Variants in ZNF696 observed in about 807,000 individuals in gnomAD.
ZNF696 encodes zinc finger protein 696.
ZNF696 carries 10 observed loss-of-function variants against 12.3 expected under a neutral mutation model. The observed-to-expected ratio is 0.81, with a 90% CI of 0.50 to 1.38. The LOEUF (loss-of-function observed/expected upper bound fraction) is 1.38, where lower values mean the gene tolerates loss of function less well. Among genes scored for constraint, ZNF696 ranks in the 40% most tolerant of loss-of-function variants. ZNF696 has a pLI of 0.00. For missense variants in ZNF696, 675 were observed against 554.7 expected (o/e 1.22, Z -2.18); for synonymous variants, 304 against 243.9 (o/e 1.25, Z -2.29).
intron 2 of ZNF696, chr8:143,295,467 ACAG>A (rs2129736561): frequency 1.5e-6 from 1 of 672,970 alleles, no homozygotes; most frequent in Non-Finnish European, 2.7e-6. Context: ...GTGCGGAGAT[ACAG>A]GTGTGAGTCA....
chr8:143,296,577 C>A lies in ZNF696; in HGVS notation c.902C>A (p.Ala301Asp). ...RPFACQDCGR[A>D]FSRSSFLREH... ...TTCGCCTGCCAGGACTGCGGCCGCG[C>A]CTTCAGCCGCAGCTCCTTCCTCCGC... The change falls in exon 3 of 3, where the codon GCC becomes GAC. Residue 301 changes from alanine to aspartate, a missense_variant. Physicochemically the swap from Ala to Asp is moderately radical, Grantham distance 126. Transcript: ENST00000330143. 6.3e-7 allele frequency: 1 copy of A among 1,593,664 alleles called. No homozygotes were observed. Among genetic ancestry groups the A allele is most frequent in the Non-Finnish European group, 8.5e-7 (1 of 1,174,930 alleles).
Position 143,297,014 on chromosome 8 carries a change from G to A in ZNF696, c.*214G>A, listed in dbSNP as rs924628782. 2.1e-6 allele frequency: 1 copy of A among 481,768 alleles called. No homozygotes were observed. The highest frequency in any genetic ancestry group is 3.4e-6 in the Non-Finnish European group (1 of 291,060). 29.8% of individuals were successfully genotyped at this position (481,768 alleles called of 1,614,324 possible). On this transcript the variant is annotated 3_prime_UTR_variant, in exon 3 of 3. Transcript: ENST00000330143. Reference sequence around the variant, plus strand: ...GGGAAGGCGAGCGCTGCCCGCGGGAGGCGATTCCCAGAGGCGGGGAGGTCT... The same window carrying A: ...GGGAAGGCGAGCGCTGCCCGCGGGAAGCGATTCCCAGAGGCGGGGAGGTCT...
intron 2 of ZNF696, chr8:143,293,362 G>A: frequency 1.9e-6 from 1 of 532,330 alleles, no homozygotes. Flanking sequence ...TTTTGGAATG[G>A]ACGAGTCTTT....
rs555598318 is a variant in ZNF696, at chr8:143,298,590, A to G, written c.*1790A>G. On this transcript the variant is annotated 3_prime_UTR_variant, in exon 3 of 3. Coordinates refer to ENST00000330143, the MANE Select transcript of ZNF696 (RefSeq NM_030895.3). The stretch of plus-strand genomic sequence containing the variant: ...GTCAGCTGACTGAGGGCCAACAGAA[A>G]CAGCAGGCAGCCGCTGTCAGCCACA... Among the ~76,000 whole-genome samples, 3 of 152,176 alleles carry G rather than the reference A, an allele frequency of 2.0e-5. No homozygotes were observed. Among genetic ancestry groups the G allele is most frequent in the Non-Finnish European group, 2.9e-5 (2 of 68,028 alleles).
intron 1 of ZNF696, 79 bp downstream of exon 1, chr8:143,291,846 C>A: frequency 1.0e-6 from 1 of 957,438 alleles, no homozygotes. Flanking sequence ...GGCGGGGTCT[C>A]GCTATGTTTC....
chr8:143,295,620 G>A, intron 2 of ZNF696, 120 bp from the exon 3 acceptor site: 3 of 1,138,948 alleles, frequency 2.6e-6, no homozygotes, highest in Non-Finnish European at 3.7e-6. Flanking sequence ...AAAATCAAAG[G>A]TGTCTGTGGC....
In ZNF696 at chr8:143,296,773, G is replaced by A. The variant is rs1483068900; in HGVS notation, c.1098G>A (p.Gln366=). ...RAFRLSFHLI[Q]HRRVHGAE ...TCCGCCTGAGCTTCCACCTCATCCA[G>A]CACCGGCGGGTGCATGGCGCCGAGT... Residue 366 remains glutamine, a synonymous_variant, in exon 3 of 3, where the codon CAG becomes CAA. Coordinates refer to ENST00000330143, the MANE Select transcript of ZNF696 (RefSeq NM_030895.3). The A allele has an allele frequency of 7.0e-7, 1 of 1,437,458 alleles. No homozygotes were observed. The allele number at this position is 1,437,458 out of a possible 1,614,324, so 89.0% of individuals were successfully genotyped here.
At position 143,295,950 on chromosome 8, in the gene ZNF696, C is replaced by G; in HGVS notation, c.275C>G (p.Thr92Ser). The change falls in exon 3 of 3, where the codon ACT (threonine) becomes AGT (serine). Residue 92 changes from threonine (T) to serine (S), a missense_variant. Coordinates refer to ENST00000330143, the MANE Select transcript of ZNF696 (RefSeq NM_030895.3). ...GGAGGTTCCCCTCGAGGCCCGGTCA[C>G]TTCTGAGAAAACTGGAGGACAGAGT... is the stretch of plus-strand genomic sequence containing the variant. ...RPGGSPRGPV[T>S]SEKTGGQSGL... 6.4e-7 allele frequency: 1 copy of G among 1,570,764 alleles called. No homozygotes were observed. Among genetic ancestry groups the G allele is most frequent in the Non-Finnish European group, 8.6e-7 (1 of 1,157,848 alleles).
At position 143,296,822 on chromosome 8, in the gene ZNF696, A is replaced by G. The variant is rs1422164822; in HGVS notation, c.*22A>G. 47 of 1,377,508 alleles carry G rather than the reference A, an allele frequency of 3.4e-5. No homozygotes were observed. Among genetic ancestry groups the G allele is most frequent in the Non-Finnish European group, 4.2e-5 (45 of 1,072,694 alleles). 85.3% of individuals were successfully genotyped at this position (1,377,508 alleles called of 1,614,324 possible). On this transcript the variant is annotated 3_prime_UTR_variant, in exon 3 of 3. Transcript: ENST00000330143. ...GTGAGCCGGGGCTGCGGCGGAAGAG[A>G]TGCCGGCGGCCTGGTGGGCGCGAGG...
chr8:143,291,872 A>C (rs1815631305), intron 1 of ZNF696, 105 bp downstream of exon 1: 4 of 819,086 alleles, frequency 4.9e-6, no homozygotes, highest in African/African-American at 1.9e-5. Flanking sequence ...CTGGCCTCCT[A>C]CTCCTGGGCT....
intron 2 of ZNF696, among the ~76,000 whole-genome samples, chr8:143,294,983 T>C (rs901724706): frequency 1.3e-5 from 2 of 152,144 alleles, no homozygotes; most frequent in African/African-American, 4.8e-5. Context: ...CGCCACCTAC[T>C]TGGGAGGCGG....
At position 143,297,534 on chromosome 8, in the gene ZNF696, C is replaced by A; in HGVS notation, c.*734C>A. On this transcript the variant is annotated 3_prime_UTR_variant, in exon 3 of 3. Coordinates refer to ENST00000330143, the MANE Select transcript of ZNF696 (RefSeq NM_030895.3). Reference sequence around the variant, plus strand: ...GCGTGGTGGCGTGCGCCTGTAATCTCAGCTACTTGGGAGCCTGGGGCAGGA... The same window carrying A: ...GCGTGGTGGCGTGCGCCTGTAATCTAAGCTACTTGGGAGCCTGGGGCAGGA... 1 of 152,400 alleles carries A rather than the reference C, an allele frequency of 6.6e-6. No individual in the cohort carries two copies. Among genetic ancestry groups the A allele is most frequent in the African/African-American group, 2.4e-5 (1 of 41,576 alleles). The allele number at this position is 152,400 out of a possible 1,614,324, so 9.4% of individuals were successfully genotyped here. A position where few individuals can be genotyped will look rare whatever the true frequency, so the allele number is the denominator to read the frequency against.
Position 143,296,267 on chromosome 8 carries a change from C to A in ZNF696, c.592C>A (p.Arg198=), listed in dbSNP as rs750486605. ...KAFGQSFNLL[R]HQRVHTGEKP... Reference sequence around the variant, plus strand: ...CTTCGGCCAGAGCTTCAACCTCCTCCGGCACCAGCGCGTGCACACGGGCGA... The same window carrying A: ...CTTCGGCCAGAGCTTCAACCTCCTCAGGCACCAGCGCGTGCACACGGGCGA... The change falls in exon 3 of 3, where the codon CGG becomes AGG. Residue 198 remains arginine, a synonymous_variant. Coordinates refer to ENST00000330143, the MANE Select transcript of ZNF696 (RefSeq NM_030895.3). 1 of 1,598,198 alleles carries A rather than the reference C, an allele frequency of 6.3e-7. No individual in the cohort carries two copies. Among genetic ancestry groups the A allele is most frequent in the African/African-American group, 1.3e-5 (1 of 74,824 alleles).
intron 2 of ZNF696, 28 bp from the exon 3 acceptor site, chr8:143,295,712 A>T: frequency 6.5e-7 from 1 of 1,529,270 alleles, no homozygotes; most frequent in Non-Finnish European, 8.8e-7. Context: ...TTACATCTAA[A>T]ATCGTTCCTG....
chr8:143,291,434 G>C lies in ZNF696; in HGVS notation c.-364G>C. ...CGGGGACCGTAGCGGGTGCAGTCCA[G>C]CTGCTCTGGACGCTGAGGCCCCGGC... On this transcript the variant is annotated 5_prime_UTR_variant, in exon 1 of 3. Transcript: ENST00000330143. The C allele has an allele frequency of 1.0e-6, 1 of 985,986 alleles. No homozygotes were observed. The highest frequency in any genetic ancestry group is 1.2e-6 in the Non-Finnish European group (1 of 830,278). 61.1% of individuals were successfully genotyped at this position (985,986 alleles called of 1,614,324 possible). A position where few individuals can be genotyped will look rare whatever the true frequency, so the allele number is the denominator to read the frequency against.
In ZNF696 at chr8:143,296,915, G is replaced by C; in HGVS notation, c.*115G>C. The C allele has an allele frequency of 9.4e-7, 1 of 1,067,582 alleles. No homozygotes were observed. Among genetic ancestry groups the C allele is most frequent in the South Asian group, 2.2e-5 (1 of 45,740 alleles). 66.1% of individuals were successfully genotyped at this position (1,067,582 alleles called of 1,614,324 possible). On this transcript the variant is annotated 3_prime_UTR_variant, in exon 3 of 3. Transcript: ENST00000330143. ...GAAGTAACAGCCGGCTGCGCGCCTGGTTCTCGGGTTGCGAAAGCCTCGCCA... is the reference window on the plus strand; with the variant it reads ...GAAGTAACAGCCGGCTGCGCGCCTGCTTCTCGGGTTGCGAAAGCCTCGCCA...
At position 143,297,680 on chromosome 8, in the gene ZNF696, G is replaced by C. The variant is rs2129745496; in HGVS notation, c.*880G>C. The C allele has an allele frequency of 6.6e-6, 1 of 152,278 alleles. No homozygotes were observed. Among genetic ancestry groups the C allele is most frequent in the East Asian group, 1.9e-4 (1 of 5,156 alleles). 9.4% of individuals were successfully genotyped at this position (152,278 alleles called of 1,614,324 possible). ...AATTGGAACCTGAGAAGGGGGTCGT[G>C]GGGTCCCCGGGGCCCACCGTCTGCA... On this transcript the variant is annotated 3_prime_UTR_variant, in exon 3 of 3. Coordinates refer to ENST00000330143, the MANE Select transcript of ZNF696 (RefSeq NM_030895.3).
intron 1 of ZNF696, chr8:143,292,422 C>A (rs1177769116): frequency 5.4e-5 from 8 of 147,912 alleles, no homozygotes; most frequent in Non-Finnish European, 8.8e-5. Flanking sequence ...TTGCATTGCA[C>A]GTATTCCTCC....
rs781210571 is a variant in ZNF696, at chr8:143,296,371, C to G, written c.696C>G (p.Thr232=). 10 of 1,592,482 alleles carry G rather than the reference C, an allele frequency of 6.3e-6. No homozygotes were observed. In the South Asian group the frequency reaches 1.1e-4, roughly 18 times the overall value. The change falls in exon 3 of 3, where the codon ACC becomes ACG. Residue 232 remains threonine, a synonymous_variant. Coordinates refer to ENST00000330143, the MANE Select transcript of ZNF696 (RefSeq NM_030895.3). ...SDAAKHRRTH[T]GERLYACGEC... ...CCGCCAAGCACCGCCGCACCCACAC[C>G]GGGGAGAGGCTGTACGCGTGCGGCG...
Sources: allele counts gnomAD v4.1 joint callset (sites outside exome capture counted in the v4.1 genomes callset), GRCh38; gene constraint gnomAD v4.1.1; transcripts MANE v1.5; gene names NCBI Gene and HGNC (gene_info 2026-07-23, HGNC 2026-07-21).